The following DLGAP2 variants were observed in gnomAD, a reference collection of about 807,000 sequenced individuals.
DLGAP2 encodes the protein disks large-associated protein 2.
DLGAP2 carries 26 observed loss-of-function variants against 100.3 expected under a neutral mutation model. The observed-to-expected ratio is 0.26, with a 90% CI of 0.19 to 0.36. The LOEUF is 0.36. DLGAP2 is among the 10% of genes least tolerant of loss of function. DLGAP2 has a pLI of 1.00. For missense variants in DLGAP2, 1,858 were observed against 1,453.2 expected (o/e 1.28, Z -4.53); for synonymous variants, 886 against 630.1 (o/e 1.41, Z -6.08).
chr8:1,572,510 G>A (rs1202689439), intron 6 of DLGAP2, among the ~76,000 whole-genome samples: 149 of 117,524 alleles, frequency 1.3e-3, no homozygotes, highest in Middle Eastern at 6.4e-3. Flanking sequence ...GCATCTTCTG[G>A]GATGGAGAGG....
At chr8:1,670,243 TG>T (rs1254356580) in intron 10 of DLGAP2, among the ~76,000 whole-genome samples, 3 of 152,024 alleles carry the variant, frequency 2.0e-5, no homozygotes, top group African/African-American at 7.3e-5. Context: ...CTGAAATGAG[TG>T]GGACATAATT....
chr8:1,601,753 C>T (rs748043350), intron 6 of DLGAP2, among the ~76,000 whole-genome samples: 16 of 152,164 alleles, frequency 1.1e-4, no homozygotes, highest in Non-Finnish European at 1.6e-4. Context: ...TCCTCAAATG[C>T]TCAGAGCTCT....
At chr8:1,660,536 G>T (rs1283171172) in intron 8 of DLGAP2, among the ~76,000 whole-genome samples, 2 of 152,166 alleles carry the variant, frequency 1.3e-5, no homozygotes, top group Non-Finnish European at 1.5e-5. Context: ...ATGTAAAAAT[G>T]CGTCTGGTAT....
chr8:1,570,650 A>C (rs1802617009), intron 6 of DLGAP2, among the ~76,000 whole-genome samples: 1 of 151,144 alleles, frequency 6.6e-6, no homozygotes, highest in African/African-American at 2.4e-5. Context: ...GGATGAAGAG[A>C]GGACACATCT....
chr8:1,271,159 AAAG>A (rs1799574858), intron 3 of DLGAP2, among the ~76,000 whole-genome samples: 1 of 152,202 alleles, frequency 6.6e-6, no homozygotes, highest in Non-Finnish European at 1.5e-5. Context: ...AACCCACAAA[AAAG>A]AAAACATGTG....
At chr8:1,250,065 G>A (rs931738958) in intron 2 of DLGAP2, among the ~76,000 whole-genome samples, 1 of 152,142 alleles carries the variant, frequency 6.6e-6, no homozygotes, top group Non-Finnish European at 1.5e-5. Flanking sequence ...ATTTTTAGTA[G>A]AGATGGGGTT....
intron 5 of DLGAP2, among the ~76,000 whole-genome samples, chr8:1,557,087 G>A (rs992585322): frequency 1.3e-5 from 2 of 152,180 alleles, no homozygotes; most frequent in Non-Finnish European, 2.9e-5. Flanking sequence ...ACTGGGGGAT[G>A]TTGAGCAGCA....
At chr8:1,424,273 T>C (rs571808164) in intron 3 of DLGAP2, among the ~76,000 whole-genome samples, 7 of 152,330 alleles carry the variant, frequency 4.6e-5, no homozygotes, top group Admixed American at 4.6e-4. Flanking sequence ...TTCTGTAGTC[T>C]GCATCTAACT....
At chr8:1,174,288 CCAT>C (rs1260846038) in intron 2 of DLGAP2, among the ~76,000 whole-genome samples, 1 of 151,516 alleles carries the variant, frequency 6.6e-6, no homozygotes, top group East Asian at 2.0e-4. Context: ...ATCATCACCA[CCAT>C]CATCACCACC....
chr8:1,644,851 C>T (rs993031073), intron 8 of DLGAP2, among the ~76,000 whole-genome samples: 7 of 152,098 alleles, frequency 4.6e-5, no homozygotes, highest in Non-Finnish European at 8.8e-5. Flanking sequence ...ACATTAAAAA[C>T]AAATTATTTA....
intron 8 of DLGAP2, among the ~76,000 whole-genome samples, chr8:1,636,224 A>C (rs1232045830): frequency 6.6e-6 from 1 of 152,218 alleles, no homozygotes; most frequent in African/African-American, 2.4e-5. Flanking sequence ...TGTGAAGGAA[A>C]ATGGTGTAAA....
intron 3 of DLGAP2, among the ~76,000 whole-genome samples, chr8:1,269,318 C>T (rs943932812): frequency 6.6e-6 from 1 of 152,172 alleles, no homozygotes; most frequent in African/African-American, 2.4e-5. Flanking sequence ...CCTGCAGAGG[C>T]TCCTGGTACG....
At chr8:1,512,139 G>T (rs960760029) in intron 4 of DLGAP2, among the ~76,000 whole-genome samples, 3 of 152,212 alleles carry the variant, frequency 2.0e-5, no homozygotes, top group African/African-American at 4.8e-5. Context: ...ACAGTTCAGT[G>T]GGAGAAGCCC....
intron 6 of DLGAP2, among the ~76,000 whole-genome samples, chr8:1,584,461 T>C (rs556924936): frequency 6.6e-6 from 1 of 152,298 alleles, no homozygotes; most frequent in East Asian, 1.9e-4. Flanking sequence ...GGAGGCATCC[T>C]CTCTCACAGT....
rs573949221 is a variant in DLGAP2, at chr8:1,076,828, C to G, written c.73+168862C>G. On this transcript the variant is annotated intron_variant, in intron 2 of 14. Transcript: ENST00000637795. Reference sequence around the variant, plus strand: ...GGAGGAGTCTGTCCCAGGCCCCCCCCCAAGACCAAGAGGGGGAGGAGGAGT... The same window carrying G: ...GGAGGAGTCTGTCCCAGGCCCCCCCGCAAGACCAAGAGGGGGAGGAGGAGT... 4.7e-3 allele frequency among the ~76,000 whole-genome samples: 708 copies of G among 150,302 alleles called. 8 individuals are homozygous for G. Among genetic ancestry groups the G allele is most frequent in the African/African-American group, 0.017 (675 of 40,708 alleles).
chr8:1,698,365 ATG>A (rs1799460511), intron 14 of DLGAP2, among the ~76,000 whole-genome samples: 2 of 151,696 alleles, frequency 1.3e-5, no homozygotes, highest in Non-Finnish European at 2.9e-5. Flanking sequence ...CACGTAAGCC[ATG>A]CATGGGACAG....
chr8:1,365,243 C>T (rs1005095988), intron 3 of DLGAP2, among the ~76,000 whole-genome samples: 3 of 152,140 alleles, frequency 2.0e-5, no homozygotes, highest in African/African-American at 7.2e-5. Flanking sequence ...CCTTAGGGAC[C>T]CCTCACTCTC....
At chr8:1,531,354 A>G (rs1800985254) in intron 4 of DLGAP2, among the ~76,000 whole-genome samples, 1 of 152,066 alleles carries the variant, frequency 6.6e-6, no homozygotes, top group Admixed American at 6.6e-5. Context: ...CTCCTAGAAT[A>G]AGTTTCCAGG....
chr8:1,580,336 A>G (rs1438916813), intron 6 of DLGAP2, among the ~76,000 whole-genome samples: 2 of 152,200 alleles, frequency 1.3e-5, no homozygotes, highest in Non-Finnish European at 2.9e-5. Context: ...TTTCAGAAAT[A>G]AAGGATTTTG....
Sources: gnomAD v4.1 joint callset for allele counts (sites outside exome capture counted in the v4.1 genomes callset) on GRCh38, gnomAD v4.1.1 for gene constraint, MANE v1.5 for transcripts, NCBI Gene and HGNC (gene_info 2026-07-23, HGNC 2026-07-21) for gene names.